COL19A1: variants seen among roughly 807,000 people sequenced by gnomAD.
COL19A1 encodes the protein collagen alpha-1(XIX) chain.
In COL19A1, 159 loss-of-function variants were observed where a neutral mutation model predicts 190.2. The observed-to-expected ratio is 0.84, with a 90% CI of 0.73 to 0.95. The LOEUF is 0.95. Ranked by LOEUF, COL19A1 falls within the 40% of genes least tolerant of loss-of-function variation. COL19A1 has a pLI of 0.00. For synonymous variants in COL19A1, 509 were observed against 458.9 expected, an observed-to-expected ratio of 1.11 and a Z score of -1.39; for missense variants, 1,418 against 1,431.9, an observed-to-expected ratio of 0.99 and a Z score of 0.16.
At chr6:69,987,134 G>T (rs997780322) in intron 11 of COL19A1, among the ~76,000 whole-genome samples, 1 of 152,012 alleles carries the variant, frequency 6.6e-6, no homozygotes, top group Non-Finnish European at 1.5e-5. Context: ...CATCCCAAAG[G>T]TGTCCACTCA....
At chr6:70,027,435 GTC>G (rs1778787072) in intron 12 of COL19A1, among the ~76,000 whole-genome samples, 1 of 152,152 alleles carries the variant, frequency 6.6e-6, no homozygotes, top group Non-Finnish European at 1.5e-5. Context: ...AAGTCAGACT[GTC>G]TTGCAAGAGC....
chr6:70,168,514 A>G (rs1765305073), intron 39 of COL19A1, 141 bp from the exon 40 acceptor site: 1 of 699,132 alleles, frequency 1.4e-6, no homozygotes, highest in Non-Finnish European at 2.4e-6. Context: ...TATTCATCTT[A>G]TTCTTCAAAT....
chr6:69,941,967 G>A (rs1446279273), intron 9 of COL19A1, among the ~76,000 whole-genome samples: 1 of 152,124 alleles, frequency 6.6e-6, no homozygotes, highest in African/African-American at 2.4e-5. Flanking sequence ...TAGGATTACA[G>A]GTGTGAGCCA....
chr6:70,133,065 T>C (rs905160584), intron 18 of COL19A1, among the ~76,000 whole-genome samples: 3 of 152,344 alleles, frequency 2.0e-5, no homozygotes, highest in Middle Eastern at 3.4e-3. Flanking sequence ...TTAGCACTTT[T>C]GAGGATTAAT....
At chr6:70,059,765 C>A in intron 14 of COL19A1, 1 of 527,156 alleles carries the variant, frequency 1.9e-6, no homozygotes, top group Admixed American at 2.0e-5. Flanking sequence ...TGTGAAAATG[C>A]TAAATCCAAT....
intron 16 of COL19A1, among the ~76,000 whole-genome samples, chr6:70,108,525 A>G (rs1266137514): frequency 1.3e-5 from 2 of 152,152 alleles, no homozygotes; most frequent in Non-Finnish European, 2.9e-5. Flanking sequence ...AAATTTTTCG[A>G]TGTTTGAAGC....
intron 15 of COL19A1, among the ~76,000 whole-genome samples, chr6:70,081,154 GA>G (rs1445172162): frequency 3.3e-5 from 5 of 151,916 alleles, no homozygotes; most frequent in Non-Finnish European, 7.4e-5. Flanking sequence ...AGCTAAAGCC[GA>G]AAAAATGGAA....
chr6:70,001,159 G>A (rs1292284641), intron 11 of COL19A1, among the ~76,000 whole-genome samples: 1 of 152,102 alleles, frequency 6.6e-6, no homozygotes, highest in African/African-American at 2.4e-5. Context: ...TGTCAAGTTT[G>A]TCGAAGATCA....
intron 11 of COL19A1, among the ~76,000 whole-genome samples, chr6:69,995,723 AAAG>A (rs1470258608): frequency 1.3e-5 from 2 of 152,296 alleles, no homozygotes; most frequent in East Asian, 1.9e-4. Flanking sequence ...GTGTTTCTTG[AAAG>A]AAGATTTGAT....
In COL19A1 at chr6:70,171,936, CT is replaced by C. The variant is rs768686435; in HGVS notation, c.2569-27del. Reference sequence around the variant, plus strand: ...CTTAAAAACATTTTGATTATTGCTCCTGCATTTCTTATGTTCATATTTAACA... The same window carrying C: ...CTTAAAAACATTTTGATTATTGCTCCGCATTTCTTATGTTCATATTTAACA... On this transcript the variant is annotated intron_variant, in intron 40 of 50. Coordinates refer to ENST00000620364, the MANE Select transcript of COL19A1 (RefSeq NM_001858.6). 8 of 1,609,280 alleles carry C rather than the reference CT, an allele frequency of 5.0e-6. No individual in the cohort carries two copies. In the South Asian group the frequency reaches 8.8e-5, roughly 18 times the overall value.
chr6:70,059,671 C>A, intron 14 of COL19A1: 1 of 380,452 alleles, frequency 2.6e-6, no homozygotes, highest in African/African-American at 2.2e-5. Context: ...CTTATGAATT[C>A]CATTCTTTGT....
At chr6:69,960,939 TTTC>T (rs1400689014) in intron 10 of COL19A1, among the ~76,000 whole-genome samples, 11 of 152,280 alleles carry the variant, frequency 7.2e-5, no homozygotes, top group African/African-American at 2.6e-4. Flanking sequence ...CCAGGGCTGC[TTTC>T]TTCTTCTGGG....
intron 11 of COL19A1, among the ~76,000 whole-genome samples, chr6:69,966,218 C>T (rs1481059805): frequency 6.6e-6 from 1 of 152,044 alleles, no homozygotes; most frequent in Non-Finnish European, 1.5e-5. Flanking sequence ...CCGGCCGCCC[C>T]GTCTGGGAAG....
chr6:70,046,070 A>G (rs944258061), intron 14 of COL19A1, among the ~76,000 whole-genome samples: 1 of 152,202 alleles, frequency 6.6e-6, no homozygotes, highest in Admixed American at 6.5e-5. Flanking sequence ...TTGTAATACA[A>G]TGCTGAGTAA....
chr6:70,081,445 T>G (rs926489852), intron 15 of COL19A1, among the ~76,000 whole-genome samples: 4 of 152,180 alleles, frequency 2.6e-5, no homozygotes, highest in Non-Finnish European at 5.9e-5. Flanking sequence ...TCTCAGATTT[T>G]ATTACTGTTC....
rs760618311 is a variant in COL19A1 at position 70,156,331 on chromosome 6, CG to C, written c.2204del (p.Gly735ValfsTer50). ...SMARKGDIGP[R>X]GPPGIPGREG... ...TGTCTTCTAGGGTGATATAGGGCCACGGGGTCCTCCAGGAATCCCAGGAAGA... is the reference window on the plus strand; with the variant it reads ...TGTCTTCTAGGGTGATATAGGGCCACGGGTCCTCCAGGAATCCCAGGAAGA... On this transcript the variant is annotated frameshift_variant, in exon 33 of 51. Transcript: ENST00000620364. LOFTEE classifies it high-confidence loss of function. 1 of 1,613,260 alleles carries C rather than the reference CG, an allele frequency of 6.2e-7. No homozygotes were observed. The highest frequency in any genetic ancestry group is 8.5e-7 in the Non-Finnish European group (1 of 1,179,560).
chr6:69,917,894 A>G (rs1350700790), intron 4 of COL19A1, among the ~76,000 whole-genome samples: 2 of 152,200 alleles, frequency 1.3e-5, no homozygotes, highest in East Asian at 3.8e-4. Context: ...GGGCTGCTTC[A>G]AAGCCATCCT....
chr6:70,162,001 T>C, intron 35 of COL19A1, 48 bp downstream of exon 35: 1 of 1,522,724 alleles, frequency 6.6e-7, no homozygotes, highest in Non-Finnish European at 8.9e-7. Context: ...ATCTGCTGGT[T>C]TGATGCAAGG....
chr6:70,008,684 A>C (rs1275641373), intron 11 of COL19A1, among the ~76,000 whole-genome samples: 1 of 151,966 alleles, frequency 6.6e-6, no homozygotes, highest in South Asian at 2.1e-4. Flanking sequence ...ACTTCATTTT[A>C]TGAGGCCAAT....
Sources: allele counts gnomAD v4.1 joint callset (sites outside exome capture counted in the v4.1 genomes callset), GRCh38; gene constraint gnomAD v4.1.1; transcripts MANE v1.5; gene names NCBI Gene and HGNC (gene_info 2026-07-23, HGNC 2026-07-21).